The following SNAP91 variants were observed in gnomAD, a reference collection of about 807,000 sequenced individuals.
The protein encoded by SNAP91 is synaptosome associated protein 91.
A neutral mutation model predicts 100.3 loss-of-function variants in SNAP91; 27 were observed. The observed-to-expected ratio is 0.27, with a 90% CI of 0.20 to 0.37. The LOEUF (loss-of-function observed/expected upper bound fraction) is 0.37, where lower values mean the gene tolerates loss of function less well. SNAP91 is among the 10% of genes least tolerant of loss of function. The pLI is 1.00. For missense variants in SNAP91, 986 were observed against 1,123.7 expected, an observed-to-expected ratio of 0.88 and a Z score of 1.75; for synonymous variants, 404 against 398.6, an observed-to-expected ratio of 1.01 and a Z score of -0.16.
At chr6:83,579,235 G>C (rs2128109226) in intron 24 of SNAP91, among the ~76,000 whole-genome samples, 1 of 152,232 alleles carries the variant, frequency 6.6e-6, no homozygotes, top group East Asian at 1.9e-4. Context: ...CTTTCAGCTG[G>C]GATCATTCTC....
chr6:83,641,249 T>C (rs1030006635), intron 7 of SNAP91, 47 bp from the exon 8 acceptor site: 4 of 819,764 alleles, frequency 4.9e-6, no homozygotes, highest in Non-Finnish European at 7.4e-6. Flanking sequence ...TATTATGTTC[T>C]ATTTTTTTCT....
intron 7 of SNAP91, among the ~76,000 whole-genome samples, chr6:83,654,125 C>T (rs2098317041): frequency 6.6e-6 from 1 of 152,112 alleles, no homozygotes. Context: ...ACTGGGTTCC[C>T]TTGGAGTTTT....
chr6:83,679,019 G>T, intron 2 of SNAP91: 1 of 360,798 alleles, frequency 2.8e-6, no homozygotes, highest in Non-Finnish European at 4.3e-6. Context: ...AAACTCAGAT[G>T]GAAAATATTT....
chr6:83,571,083 C>A (rs1806636713), intron 26 of SNAP91, among the ~76,000 whole-genome samples: 1 of 151,496 alleles, frequency 6.6e-6, no homozygotes, highest in Non-Finnish European at 1.5e-5. Context: ...AGGGATGGAG[C>A]TGCCCGAGGA....
At chr6:83,606,233 GA>G (rs1406781124) in intron 13 of SNAP91, among the ~76,000 whole-genome samples, 3 of 151,694 alleles carry the variant, frequency 2.0e-5, no homozygotes, top group Non-Finnish European at 4.4e-5. Context: ...CTTTTGTATA[GA>G]AAAAAAATTC....
At chr6:83,636,899 G>GT (rs1342561191) in intron 8 of SNAP91, among the ~76,000 whole-genome samples, 1 of 152,138 alleles carries the variant, frequency 6.6e-6, no homozygotes, top group East Asian at 1.9e-4. Flanking sequence ...TAGTTGATCG[G>GT]TTTCGTTTCT....
chr6:83,707,789 G>A lies in SNAP91; in HGVS notation c.130+9C>T, dbSNP rs1226652954. ...TGCGCATGTCCCTCTTATATAAAGA[G>A]ATGCTTACAGTCCAGGTGCTTTTTC... On this transcript the variant is annotated intron_variant, in intron 2 of 29. Coordinates refer to ENST00000369694, the MANE Select transcript of SNAP91 (RefSeq NM_001242792.2). 1.2e-6 allele frequency: 2 copies of A among 1,612,810 alleles called. No homozygotes were observed. Among genetic ancestry groups the A allele is most frequent in the Non-Finnish European group, 1.7e-6 (2 of 1,179,496 alleles).
intron 7 of SNAP91, among the ~76,000 whole-genome samples, chr6:83,643,548 T>C (rs1439949997): frequency 6.6e-6 from 1 of 152,210 alleles, no homozygotes; most frequent in African/African-American, 2.4e-5. Context: ...CATTGGTCTA[T>C]ATCTCTGTTT....
intron 24 of SNAP91, among the ~76,000 whole-genome samples, chr6:83,578,771 G>A (rs957599257): frequency 6.6e-6 from 1 of 151,808 alleles, no homozygotes; most frequent in African/African-American, 2.4e-5. Flanking sequence ...TTTGTTTCTT[G>A]TACTTCTGGT....
chr6:83,643,820 C>CCTGTAGGGTATTTAAGGG (rs1473957981), intron 7 of SNAP91, among the ~76,000 whole-genome samples: 2 of 152,092 alleles, frequency 1.3e-5, no homozygotes, highest in African/African-American at 2.4e-5. Context: ...GCAAAAAGAT[C>CCTGTAGGGTATTTAAGGG]AAGAAAACAG....
chr6:83,697,711 T>C (rs1214240444), intron 2 of SNAP91, among the ~76,000 whole-genome samples: 1 of 152,152 alleles, frequency 6.6e-6, no homozygotes, highest in Non-Finnish European at 1.5e-5. Flanking sequence ...TTATAGTCTT[T>C]TGAGAGAAAG....
At chr6:83,568,104 A>T (rs1184664131) in intron 26 of SNAP91, among the ~76,000 whole-genome samples, 2 of 152,138 alleles carry the variant, frequency 1.3e-5, no homozygotes, top group East Asian at 3.9e-4. Context: ...CAAAATGTCC[A>T]ACAATGATAG....
At chr6:83,614,778 C>A in intron 11 of SNAP91, 79 bp downstream of exon 11, 7 of 1,036,174 alleles carry the variant, frequency 6.8e-6, no homozygotes, top group Middle Eastern at 2.1e-4. Flanking sequence ...TTCTAAATAC[C>A]AAATGTGGAA....
chr6:83,687,345 T>C (rs1271538354), intron 2 of SNAP91, among the ~76,000 whole-genome samples: 1 of 152,192 alleles, frequency 6.6e-6, no homozygotes, highest in East Asian at 1.9e-4. Context: ...AATAATAATA[T>C]CCTACATGGG....
chr6:83,616,366 G>A (rs931426674), intron 10 of SNAP91, among the ~76,000 whole-genome samples: 5 of 152,090 alleles, frequency 3.3e-5, no homozygotes, highest in African/African-American at 7.2e-5. Context: ...TGGACATTTC[G>A]TGCATGTAGT....
In SNAP91 at chr6:83,662,424, TG is replaced by T; in HGVS notation, c.274-3del. 8.1e-7 allele frequency: 1 copy of T among 1,234,052 alleles called. No homozygotes were observed. The highest frequency in any genetic ancestry group is 1.1e-6 in the Non-Finnish European group (1 of 914,100). 76.4% of individuals were successfully genotyped at this position (1,234,052 alleles called of 1,614,324 possible). On this transcript the variant is annotated splice_polypyrimidine_tract_variant and splice_region_variant and intron_variant, in intron 3 of 29. Coordinates refer to ENST00000369694, the MANE Select transcript of SNAP91 (RefSeq NM_001242792.2). ...AGAAGCCAAATATTGAATAAATCTC[TG>T]AAAAACAAAAATTAGAATTAAACAC...
chr6:83,577,622 A>G (rs1432689587), intron 24 of SNAP91, among the ~76,000 whole-genome samples: 2 of 152,182 alleles, frequency 1.3e-5, no homozygotes, highest in East Asian at 3.9e-4. Flanking sequence ...ATTAGCATGC[A>G]GGAGATTTAT....
intron 2 of SNAP91, chr6:83,686,695 G>T (rs2099066204): frequency 6.6e-6 from 1 of 152,106 alleles, no homozygotes; most frequent in African/African-American, 2.4e-5. Context: ...ATATCCATTT[G>T]GATTAACAGA....
At chr6:83,647,471 G>T (rs1365042780) in intron 7 of SNAP91, among the ~76,000 whole-genome samples, 4 of 152,048 alleles carry the variant, frequency 2.6e-5, no homozygotes, top group Non-Finnish European at 5.9e-5. Context: ...TTAGCTTATT[G>T]ATGTGGCAGA....
Sources: gnomAD v4.1 joint callset for allele counts (sites outside exome capture counted in the v4.1 genomes callset) on GRCh38, gnomAD v4.1.1 for gene constraint, MANE v1.5 for transcripts, NCBI Gene and HGNC (gene_info 2026-07-23, HGNC 2026-07-21) for gene names.